APC: variants seen among roughly 807,000 people sequenced by gnomAD.
The protein encoded by APC is APC regulator of Wnt signaling pathway, also known as adenomatous polyposis coli protein.
APC carries 72 observed loss-of-function variants against 247.0 expected under a neutral mutation model. That is an observed-to-expected ratio of 0.29 (90% CI 0.24 to 0.35). APC has a LOEUF of 0.35. Ranked by LOEUF, APC falls within the 10% of genes least tolerant of loss-of-function variation. The pLI is 1.00. For synonymous variants in APC, 1,254 were observed against 1,162.5 expected, an observed-to-expected ratio of 1.08 and a Z score of -1.60; for missense variants, 3,400 against 3,360.7, an observed-to-expected ratio of 1.01 and a Z score of -0.29.
chr5:112,757,312 A>G (rs1009072423), intron 2 of APC, among the ~76,000 whole-genome samples: 3 of 152,106 alleles, frequency 2.0e-5, no homozygotes, highest in East Asian at 3.9e-4. Flanking sequence ...AACCATTGGC[A>G]CTTCCTACTG....
At chr5:112,820,495 T>A (rs1325666252) in intron 10 of APC, among the ~76,000 whole-genome samples, 1 of 152,036 alleles carries the variant, frequency 6.6e-6, no homozygotes, top group African/African-American at 2.4e-5. Context: ...TTTTAAAAAA[T>A]TTAAAAAGCA....
chr5:112,741,694 G>T (rs1210841903), intron 1 of APC, among the ~76,000 whole-genome samples: 1 of 151,924 alleles, frequency 6.6e-6, no homozygotes, highest in African/African-American at 2.4e-5. Context: ...TCACATTGTT[G>T]TGCAACCATC....
At chr5:112,813,097 T>A (rs1458467233) in intron 8 of APC, among the ~76,000 whole-genome samples, 1 of 152,230 alleles carries the variant, frequency 6.6e-6, no homozygotes, top group Non-Finnish European at 1.5e-5. Context: ...CGAGTATGAA[T>A]AAGTGGATTA....
At position 112,842,301 on chromosome 5, in the gene APC, T is replaced by C. The variant is rs2149971149; in HGVS notation, c.6707T>C (p.Val2236Ala). Residue 2236 changes from valine (V) to alanine (A), a missense_variant, in exon 16 of 16, where the codon GTT becomes GCT. Val to Ala is a moderately conservative substitution (Grantham distance 64). This residue lies in a region of APC where 1,788 missense variants were observed against 1,649.5 expected (regional missense o/e 1.08). Transcript: ENST00000257430. The part of the protein sequence containing the change: ...RGRTMIHIPG[V>A]RNSSSSTSPV... The stretch of plus-strand genomic sequence containing the variant: ...AGGACAATGATTCATATTCCAGGAG[T>C]TCGAAATAGCTCCTCAAGTACAAGT... 6.2e-7 allele frequency: 1 copy of C among 1,613,358 alleles called. No individual in the cohort carries two copies. Among genetic ancestry groups the C allele is most frequent in the Non-Finnish European group, 8.5e-7 (1 of 1,179,718 alleles).
chr5:112,821,473 G>A (rs556047063), intron 10 of APC, among the ~76,000 whole-genome samples: 14 of 150,846 alleles, frequency 9.3e-5, no homozygotes, highest in East Asian at 1.9e-4. Context: ...CATTCCACTC[G>A]AGCCTGGGCA....
intron 2 of APC, among the ~76,000 whole-genome samples, chr5:112,761,853 C>T (rs1244452881): frequency 2.0e-5 from 3 of 152,038 alleles, no homozygotes; most frequent in Non-Finnish European, 4.4e-5. Flanking sequence ...TCTTAGGACA[C>T]ACAAAAGACT....
chr5:112,739,826 T>G (rs761463577), intron 1 of APC, among the ~76,000 whole-genome samples: 30 of 152,374 alleles, frequency 2.0e-4, no homozygotes, highest in Admixed American at 6.5e-4. Context: ...TTGAATTCCA[T>G]TAGCATAGTG....
chr5:112,783,443 A>T (rs958801408), intron 6 of APC, among the ~76,000 whole-genome samples: 3 of 152,086 alleles, frequency 2.0e-5, no homozygotes, highest in Admixed American at 2.0e-4. Context: ...TGTTGGTAGA[A>T]TATATAAGAG....
chr5:112,772,973 A>G (rs1561473749), intron 4 of APC, among the ~76,000 whole-genome samples: 1 of 152,068 alleles, frequency 6.6e-6, no homozygotes, highest in Non-Finnish European at 1.5e-5. Context: ...TCTTTATGGG[A>G]GTTGTGGTAC....
At chr5:112,740,063 A>G (rs1029556032) in intron 1 of APC, among the ~76,000 whole-genome samples, 10 of 151,180 alleles carry the variant, frequency 6.6e-5, no homozygotes, top group East Asian at 2.0e-4. Context: ...AAAATAATAT[A>G]TAACAGAGGT....
chr5:112,776,829 A>C (rs148432559), intron 5 of APC, among the ~76,000 whole-genome samples: 246 of 152,190 alleles, frequency 1.6e-3, no homozygotes, highest in Middle Eastern at 6.8e-3. Context: ...TGGGTGACAG[A>C]GCAAGACTCC....
chr5:112,726,971 A>C (rs1031895068), intron 1 of APC, among the ~76,000 whole-genome samples: 1 of 152,150 alleles, frequency 6.6e-6, no homozygotes, highest in African/African-American at 2.4e-5. Context: ...GGCATTATGA[A>C]CGCCTATATT....
At chr5:112,781,312 AAG>A (rs771172986) in intron 6 of APC, among the ~76,000 whole-genome samples, 1 of 152,164 alleles carries the variant, frequency 6.6e-6, no homozygotes, top group Non-Finnish European at 1.5e-5. Flanking sequence ...GAAGGAAACA[AAG>A]AGAATTTTAG....
rs530670052 is a variant in APC at position 112,801,313 on chromosome 5, A to G, written c.764A>G (p.His255Arg). 57 of 1,612,982 alleles carry G rather than the reference A, an allele frequency of 3.5e-5. No individual in the cohort carries two copies. The highest frequency in any genetic ancestry group is 4.6e-5 in the Non-Finnish European group (54 of 1,179,270). ...CAGAACAAGCATGAAACCGGCTCAC[A>G]TGATGCTGAGCGGCAGAATGAAGGT... ...SSQNKHETGSHDAERQNEGQG... is the reference protein window; with the variant it reads ...SSQNKHETGSRDAERQNEGQG... The change falls in exon 8 of 16, where the codon CAT becomes CGT. Residue 255 changes from histidine (H) to arginine (R), a missense_variant. His to Arg is a conservative substitution (Grantham distance 29, BLOSUM62 0). Around this residue, in one of 9 missense-constraint regions of APC, gnomAD observed 372 missense variants for 367.6 expected, o/e 1.01. Transcript: ENST00000257430.
At chr5:112,829,572 A>T (rs975666762) in intron 14 of APC, 1 of 154,144 alleles carries the variant, frequency 6.5e-6, no homozygotes, top group African/African-American at 2.4e-5. Context: ...TCAGCACTAT[A>T]GACATTTTTG....
chr5:112,713,973 G>C (rs1256098959), intron 1 of APC, among the ~76,000 whole-genome samples: 1 of 152,152 alleles, frequency 6.6e-6, no homozygotes, highest in East Asian at 1.9e-4. Context: ...GTAAGATTTT[G>C]ACTGAACATT....
chr5:112,812,548 C>T (rs2149751330), intron 8 of APC, among the ~76,000 whole-genome samples: 1 of 152,308 alleles, frequency 6.6e-6, no homozygotes, highest in East Asian at 1.9e-4. Flanking sequence ...TCTGCCTTTG[C>T]CTGGGCTGCC....
chr5:112,740,140 G>T (rs907622795), intron 1 of APC, among the ~76,000 whole-genome samples: 6 of 152,174 alleles, frequency 3.9e-5, no homozygotes, highest in African/African-American at 1.2e-4. Flanking sequence ...CTACTTGGTT[G>T]TGGATTTTTA....
intron 1 of APC, among the ~76,000 whole-genome samples, chr5:112,730,457 A>G (rs1202851998): frequency 1.3e-5 from 2 of 152,248 alleles, no homozygotes; most frequent in African/African-American, 4.8e-5. Flanking sequence ...GAATTTGGAT[A>G]CTTTTTAAAA....
Sources: gnomAD v4.1 joint callset for allele counts (sites outside exome capture counted in the v4.1 genomes callset) on GRCh38, gnomAD v4.1.1 for gene constraint, gnomAD v4.1.1 regional missense constraint, MANE v1.5 for transcripts, NCBI Gene and HGNC (gene_info 2026-07-23, HGNC 2026-07-21) for gene names.